Variants in GABRB1 observed in about 807,000 individuals in gnomAD.
GABRB1 encodes gamma-aminobutyric acid type A receptor subunit beta1.
In GABRB1, 17 loss-of-function variants were observed where a neutral mutation model predicts 51.6. That is an observed-to-expected ratio of 0.33 (90% CI 0.23 to 0.49). The LOEUF is 0.49. Ranked by LOEUF, GABRB1 falls within the 20% of genes least tolerant of loss-of-function variation. GABRB1 has a pLI of 0.99. For missense variants in GABRB1, 410 were observed against 600.6 expected (o/e 0.68, Z 3.32); for synonymous variants, 247 against 218.9 (o/e 1.13, Z -1.14).
chr4:47,044,004 C>T (rs935387250), intron 3 of GABRB1, among the ~76,000 whole-genome samples: 2 of 152,072 alleles, frequency 1.3e-5, no homozygotes, highest in Admixed American at 1.3e-4. Flanking sequence ...CATACGTTTT[C>T]CCAGAATCAG....
rs529053144 is a variant in GABRB1, at chr4:47,244,087, G to A, written c.462-76040G>A. On this transcript the variant is annotated intron_variant, in intron 4 of 8. Transcript: ENST00000295454. ...ATACCTAGTTTATTGAGAGTTTTTA[G>A]CATGAAGGGCTGTTGAATTTTGTCG... 4.6e-5 allele frequency among the ~76,000 whole-genome samples: 7 copies of A among 152,236 alleles called. No individual in the cohort carries two copies. The South Asian group carries it at 1.5e-3, about 32-fold the overall frequency.
At chr4:47,039,820 T>TA (rs1725751748) in intron 3 of GABRB1, among the ~76,000 whole-genome samples, 1 of 152,144 alleles carries the variant, frequency 6.6e-6, no homozygotes, top group South Asian at 2.1e-4. Context: ...TGCGAAAACT[T>TA]AAAAGGCACA....
At chr4:47,351,362 C>T (rs1045129115) in intron 5 of GABRB1, among the ~76,000 whole-genome samples, 1 of 152,122 alleles carries the variant, frequency 6.6e-6, no homozygotes, top group Non-Finnish European at 1.5e-5. Flanking sequence ...AAAGCCAAGA[C>T]AAATTGTTCA....
intron 1 of GABRB1, among the ~76,000 whole-genome samples, chr4:47,007,282 G>C (rs1431844980): frequency 6.6e-6 from 1 of 152,132 alleles, no homozygotes; most frequent in Non-Finnish European, 1.5e-5. Context: ...TTATTAAAGA[G>C]AGATATTTCA....
At chr4:47,183,738 T>A (rs533851272) in intron 4 of GABRB1, among the ~76,000 whole-genome samples, 2 of 151,868 alleles carry the variant, frequency 1.3e-5, no homozygotes, top group African/African-American at 4.8e-5. Context: ...CATGAACTCA[T>A]GGCTACCTTC....
chr4:47,222,177 A>T (rs980663136), intron 4 of GABRB1, among the ~76,000 whole-genome samples: 3 of 152,126 alleles, frequency 2.0e-5, no homozygotes, highest in African/African-American at 7.2e-5. Context: ...GGCTACTCAC[A>T]TTTCTCTCTG....
chr4:47,108,637 T>C (rs1347399842), intron 3 of GABRB1, among the ~76,000 whole-genome samples: 4 of 152,082 alleles, frequency 2.6e-5, no homozygotes, highest in African/African-American at 9.6e-5. Context: ...TATTAATTAG[T>C]TTATAATTAC....
At chr4:47,148,886 C>T (rs1717296779) in intron 3 of GABRB1, among the ~76,000 whole-genome samples, 1 of 151,930 alleles carries the variant, frequency 6.6e-6, no homozygotes, top group African/African-American at 2.4e-5. Context: ...CATAAGAAAG[C>T]AAGGCAGAAG....
intron 8 of GABRB1, among the ~76,000 whole-genome samples, chr4:47,410,685 A>G (rs928870641): frequency 2.6e-5 from 4 of 152,242 alleles, no homozygotes; most frequent in African/African-American, 7.2e-5. Flanking sequence ...GCACAGAAAG[A>G]AAAAATAGCT....
At chr4:47,072,688 T>C (rs535269804) in intron 3 of GABRB1, among the ~76,000 whole-genome samples, 99 of 152,328 alleles carry the variant, frequency 6.5e-4, no homozygotes, top group Non-Finnish European at 1.3e-3. Flanking sequence ...TTCCTAAGAA[T>C]GATATTTCTG....
intron 4 of GABRB1, among the ~76,000 whole-genome samples, chr4:47,311,482 G>C (rs1355221358): frequency 1.1e-5 from 1 of 92,006 alleles, no homozygotes; most frequent in African/African-American, 4.8e-5. Context: ...GTAATCACAA[G>C]GGTTCTTATG....
intron 3 of GABRB1, among the ~76,000 whole-genome samples, chr4:47,058,977 AT>A (rs1165133660): frequency 6.6e-6 from 1 of 152,256 alleles, no homozygotes; most frequent in Non-Finnish European, 1.5e-5. Context: ...GCTGAAGTCC[AT>A]CTTATTAGTT....
At chr4:47,025,535 CTTAA>C (rs1212520002) in intron 1 of GABRB1, among the ~76,000 whole-genome samples, 1 of 151,672 alleles carries the variant, frequency 6.6e-6, no homozygotes, top group Non-Finnish European at 1.5e-5. Context: ...TAGATTATTT[CTTAA>C]TTAATTACTG....
intron 4 of GABRB1, among the ~76,000 whole-genome samples, chr4:47,183,140 A>G (rs1719025600): frequency 1.3e-5 from 2 of 151,550 alleles, no homozygotes; most frequent in African/African-American, 4.8e-5. Flanking sequence ...AAAACACATG[A>G]TGAGATATTA....
intron 4 of GABRB1, among the ~76,000 whole-genome samples, chr4:47,318,197 G>A (rs967479223): frequency 1.8e-4 from 27 of 151,928 alleles, no homozygotes; most frequent in African/African-American, 6.3e-4. Context: ...ACACAGCATT[G>A]CTGTGAGAAT....
intron 8 of GABRB1, 77 bp downstream of exon 8, chr4:47,407,003 A>G: frequency 2.2e-6 from 3 of 1,350,246 alleles, no homozygotes; most frequent in Non-Finnish European, 3.0e-6. Flanking sequence ...TCATAACTTA[A>G]AAACGATTAA....
chr4:47,195,917 C>A (rs915899025), intron 4 of GABRB1, among the ~76,000 whole-genome samples: 1 of 152,222 alleles, frequency 6.6e-6, no homozygotes, highest in African/African-American at 2.4e-5. Flanking sequence ...CCTTCTCTGG[C>A]TCAAAATGCA....
At chr4:47,269,383 CA>C (rs1193017005) in intron 4 of GABRB1, among the ~76,000 whole-genome samples, 1 of 152,084 alleles carries the variant, frequency 6.6e-6, no homozygotes, top group Non-Finnish European at 1.5e-5. Context: ...GGACGTTTAA[CA>C]AAACAGAAAA....
chr4:47,095,362 G>C (rs1374592406), intron 3 of GABRB1, among the ~76,000 whole-genome samples: 1 of 152,040 alleles, frequency 6.6e-6, no homozygotes, highest in Non-Finnish European at 1.5e-5. Flanking sequence ...ATACGTGAAT[G>C]ATACTGCAGT....
Sources: gnomAD v4.1 joint callset for allele counts (sites outside exome capture counted in the v4.1 genomes callset) on GRCh38, gnomAD v4.1.1 for gene constraint, MANE v1.5 for transcripts, NCBI Gene and HGNC (gene_info 2026-07-23, HGNC 2026-07-21) for gene names.